Variants in MECR observed in about 807,000 individuals in gnomAD.
MECR encodes the protein enoyl-[acyl-carrier-protein] reductase, mitochondrial.
In MECR, 37 loss-of-function variants were observed where a neutral mutation model predicts 49.1. The ratio of observed to expected loss-of-function variants is 0.75; its 90% CI spans 0.58 to 0.99. The LOEUF is 0.99. Among genes scored for constraint, MECR ranks in the 50% least tolerant of loss-of-function variants. The probability of loss-of-function intolerance (pLI) is 0.00; values close to 1 mark genes in which losing one functional copy is unlikely to be tolerated. For missense variants in MECR, 470 were observed against 479.6 expected (o/e 0.98, Z 0.19); for synonymous variants, 198 against 191.1 (o/e 1.04, Z -0.30).
chr1:29,204,916 C>T (rs371383328), intron 4 of MECR, among the ~76,000 whole-genome samples: 2 of 152,402 alleles, frequency 1.3e-5, no homozygotes, highest in Non-Finnish European at 2.9e-5. Flanking sequence ...GAACTGGCAT[C>T]GGCTTTCAGC....
At chr1:29,196,695 A>G (rs549310121) in intron 7 of MECR, among the ~76,000 whole-genome samples, 81 of 151,850 alleles carry the variant, frequency 5.3e-4, no homozygotes, top group Non-Finnish European at 1.1e-3. Context: ...CTCAGAAAAT[A>G]AATGAATGAA....
At chr1:29,228,236 T>C (rs145608388) in intron 1 of MECR, among the ~76,000 whole-genome samples, 2 of 151,056 alleles carry the variant, frequency 1.3e-5, no homozygotes, top group Non-Finnish European at 2.9e-5. Flanking sequence ...TAAATAAATA[T>C]ATATATAAAA....
In MECR at chr1:29,201,458, C is replaced by T. The variant is rs1394331205; in HGVS notation, c.756+485G>A. On this transcript the variant is annotated intron_variant, in intron 6 of 9. Transcript: ENST00000263702. This position sits in a 1 kb window ranked among gnomAD's most constrained non-coding sequence, Gnocchi z 4.3. ...GAGGCCAGCTCTGACTCTCTGGAGCCCTTATAAACTATATGATTTTGGTTA... is the reference window on the plus strand; with the variant it reads ...GAGGCCAGCTCTGACTCTCTGGAGCTCTTATAAACTATATGATTTTGGTTA... 1 of 516,012 alleles carries T rather than the reference C, an allele frequency of 1.9e-6. No homozygotes were observed. Among genetic ancestry groups the T allele is most frequent in the Non-Finnish European group, 4.0e-6 (1 of 251,346 alleles). The allele number at this position is 516,012 out of a possible 1,614,324, so 32.0% of individuals were successfully genotyped here. A position where few individuals can be genotyped will look rare whatever the true frequency, so the allele number is the denominator to read the frequency against.
At chr1:29,207,354 A>G (rs949251325) in intron 3 of MECR, among the ~76,000 whole-genome samples, 10 of 152,088 alleles carry the variant, frequency 6.6e-5, no homozygotes, top group Non-Finnish European at 1.3e-4. Context: ...TCCCGGTCTC[A>G]GGTGATTCGC....
the MECR span, among the ~76,000 whole-genome samples, chr1:29,178,558 A>AGG: frequency 2.0e-5 from 3 of 151,622 alleles, no homozygotes; most frequent in Admixed American, 2.0e-4. Context: ...GGGTTTCACC[A>AGG]TCTTAACCAG....
chr1:29,183,059 T>C, the MECR span, among the ~76,000 whole-genome samples: 1 of 152,226 alleles, frequency 6.6e-6, no homozygotes, highest in Admixed American at 6.5e-5. Context: ...TTTTTGAATA[T>C]TTTGAAAGGA....
the MECR span, chr1:29,181,746 G>T: frequency 6.3e-7 from 1 of 1,579,534 alleles, no homozygotes. Context: ...ATGTACACCC[G>T]CGGCATCCCG....
At chr1:29,202,607 C>A (rs1675584103) in intron 5 of MECR, among the ~76,000 whole-genome samples, 1 of 152,130 alleles carries the variant, frequency 6.6e-6, no homozygotes, top group Non-Finnish European at 1.5e-5. Context: ...GAAACCGAGT[C>A]TATTACTGAC....
intron 1 of MECR, chr1:29,223,327 G>GA: frequency 1.0e-6 from 1 of 979,830 alleles, no homozygotes; most frequent in Non-Finnish European, 1.2e-6. Flanking sequence ...TGAGAGGGGG[G>GA]AAAAGAGGCC....
chr1:29,176,444 CAG>C, the MECR span, among the ~76,000 whole-genome samples: 3 of 149,484 alleles, frequency 2.0e-5, no homozygotes, highest in Non-Finnish European at 4.4e-5. Context: ...CGATGAATGA[CAG>C]AGCCTTGGGA....
the MECR span, among the ~76,000 whole-genome samples, chr1:29,183,349 TTTG>T: frequency 5.9e-5 from 9 of 152,200 alleles, no homozygotes; most frequent in Non-Finnish European, 2.9e-5. Context: ...GTTCCAACCT[TTTG>T]TTATTACACT....
At chr1:29,178,352 A>T in the MECR span, among the ~76,000 whole-genome samples, 11 of 129,450 alleles carry the variant, frequency 8.5e-5, no homozygotes, top group Non-Finnish European at 1.3e-4. Flanking sequence ...AGTTTCAATT[A>T]CTTTTTTTTT....
the MECR span, among the ~76,000 whole-genome samples, chr1:29,176,875 C>T: frequency 6.6e-6 from 1 of 152,240 alleles, no homozygotes; most frequent in African/African-American, 2.4e-5. Context: ...AACGCAGGTT[C>T]TGAAGTTTAA....
chr1:29,207,957 C>T (rs973247425), intron 3 of MECR, among the ~76,000 whole-genome samples: 3 of 151,902 alleles, frequency 2.0e-5, no homozygotes, highest in African/African-American at 7.2e-5. Flanking sequence ...TTTTCCTACA[C>T]AGTCCTCATT....
intron 1 of MECR, chr1:29,223,655 C>G (rs1681338983): frequency 6.6e-6 from 1 of 152,284 alleles, no homozygotes; most frequent in Admixed American, 6.5e-5. Flanking sequence ...AACTGACCCT[C>G]CTGTGGTCCT....
chr1:29,203,930 T>C (rs1675935391), intron 4 of MECR, among the ~76,000 whole-genome samples: 1 of 152,230 alleles, frequency 6.6e-6, no homozygotes, highest in Admixed American at 6.5e-5. Flanking sequence ...AGCCCAGGTT[T>C]AGCTTTGGAC....
chr1:29,174,406 C>T, the MECR span, among the ~76,000 whole-genome samples: 11 of 152,164 alleles, frequency 7.2e-5, no homozygotes, highest in African/African-American at 2.2e-4. Context: ...CAGTATTATA[C>T]ATGCATAAAA....
At chr1:29,167,866 A>G in the MECR span, among the ~76,000 whole-genome samples, 3 of 152,184 alleles carry the variant, frequency 2.0e-5, no homozygotes, top group Non-Finnish European at 4.4e-5. Flanking sequence ...AGAATGTATT[A>G]TTATTCTTCT....
intron 1 of MECR, chr1:29,224,140 T>C (rs1179337231): frequency 6.6e-6 from 1 of 152,240 alleles, no homozygotes; most frequent in Admixed American, 6.5e-5. Context: ...CCCCATGATA[T>C]GCTACATCTG....
Sources: allele counts gnomAD v4.1 joint callset (sites outside exome capture counted in the v4.1 genomes callset), GRCh38; gene constraint gnomAD v4.1.1; non-coding constraint Gnocchi (gnomAD v3.1); transcripts MANE v1.5; gene names NCBI Gene and HGNC (gene_info 2026-07-23, HGNC 2026-07-21).